The following PRKD1 variants were observed in gnomAD, a reference collection of about 807,000 sequenced individuals.
PRKD1 encodes the protein serine/threonine-protein kinase D1.
A neutral mutation model predicts 95.9 loss-of-function variants in PRKD1; 63 were observed. The ratio of observed to expected loss-of-function variants is 0.66; its 90% CI spans 0.54 to 0.81. The LOEUF is 0.81. Ranked by LOEUF, PRKD1 falls within the 30% of genes least tolerant of loss-of-function variation. The probability of loss-of-function intolerance (pLI) is 0.00; values close to 1 mark genes in which losing one functional copy is unlikely to be tolerated. For synonymous variants in PRKD1, 425 were observed against 423.1 expected, an observed-to-expected ratio of 1.00 and a Z score of -0.05; for missense variants, 1,048 against 1,165.3, an observed-to-expected ratio of 0.90 and a Z score of 1.47.
At position 29,663,748 on chromosome 14, in the gene PRKD1, C is replaced by A; in HGVS notation, c.647G>T (p.Arg216Leu). Residue 216 changes from arginine (R) to leucine (L), a missense_variant, in exon 4 of 18, where the codon CGC becomes CTC. Around this residue, in one of 3 missense-constraint regions of PRKD1, gnomAD observed 275 missense variants for 248.6 expected, o/e 1.11. Transcript: ENST00000331968. ...TGTAGAGAGTTCAGCAGATGATGTG[C>A]GGATGGTGCTGACCCCAGTGAGGGA... ...NVSLTGVSTI[R>L]TSSAELSTSA... 4.3e-6 allele frequency: 7 copies of A among 1,613,994 alleles called. No individual in the cohort carries two copies. The highest frequency in any genetic ancestry group is 3.4e-6 in the Non-Finnish European group (4 of 1,179,944).
intron 1 of PRKD1, among the ~76,000 whole-genome samples, chr14:29,794,410 TG>T (rs1334989322): frequency 1.3e-5 from 2 of 151,860 alleles, no homozygotes; most frequent in African/African-American, 4.8e-5. Flanking sequence ...TTTGAGGGGG[TG>T]GCAATTCCTT....
intron 1 of PRKD1, among the ~76,000 whole-genome samples, chr14:29,791,724 G>A (rs1316691130): frequency 3.9e-5 from 6 of 152,064 alleles, no homozygotes; most frequent in Admixed American, 6.5e-5. Context: ...ATCTGTTGAT[G>A]CACATGTCAG....
chr14:29,732,372 C>T (rs1276502053), intron 1 of PRKD1, among the ~76,000 whole-genome samples: 2 of 141,564 alleles, frequency 1.4e-5, no homozygotes, highest in Non-Finnish European at 3.2e-5. Context: ...TATCCTATTT[C>T]ACACACAATG....
chr14:29,654,164 TTTTAC>T (rs1432390310), intron 4 of PRKD1, among the ~76,000 whole-genome samples: 3 of 152,070 alleles, frequency 2.0e-5, no homozygotes, highest in Non-Finnish European at 4.4e-5. Flanking sequence ...TAATTTTTAT[TTTTAC>T]TTTATTTATT....
intron 4 of PRKD1, among the ~76,000 whole-genome samples, chr14:29,657,039 G>A (rs566614265): frequency 8.5e-5 from 13 of 152,122 alleles, no homozygotes; most frequent in Non-Finnish European, 1.8e-4. Context: ...GTCCAATAGC[G>A]GGTTAGAGTT....
In PRKD1 at chr14:29,927,476, G is replaced by A. The variant is rs1324068186; in HGVS notation, c.37C>T (p.Leu13=). 5 of 1,254,556 alleles carry A rather than the reference G, an allele frequency of 4.0e-6. No individual in the cohort carries two copies. In the Admixed American group the frequency reaches 1.8e-4, roughly 44 times the overall value. 77.7% of individuals were successfully genotyped at this position (1,254,556 alleles called of 1,614,324 possible). ...GCAGCTGCCGCCGCCACGGGCAGCA[G>A]CGGACTGGGCGGCCGCAGGACCGGA... ...APPVLRPPSP[L]LPVAAAAAAA... Residue 13 remains leucine, a synonymous_variant, in exon 1 of 18, where the codon CTG becomes TTG. Coordinates refer to ENST00000331968, the MANE Select transcript of PRKD1 (RefSeq NM_002742.3).
intron 1 of PRKD1, among the ~76,000 whole-genome samples, chr14:29,777,178 C>G (rs1009067034): frequency 2.6e-5 from 4 of 152,152 alleles, no homozygotes; most frequent in African/African-American, 9.7e-5. Context: ...TGGTACCAGC[C>G]ACTGCAAAAA....
At chr14:29,847,884 C>A (rs553955204) in intron 1 of PRKD1, among the ~76,000 whole-genome samples, 15 of 152,170 alleles carry the variant, frequency 9.9e-5, no homozygotes, top group Non-Finnish European at 2.2e-4. Flanking sequence ...CTCTCCCCCC[C>A]CACCAACCTT....
chr14:29,834,990 G>GT (rs141796741), intron 1 of PRKD1, among the ~76,000 whole-genome samples: 17 of 151,076 alleles, frequency 1.1e-4, no homozygotes, highest in South Asian at 2.1e-4. Context: ...TGAGACCTGG[G>GT]TTTTTTTTTC....
In PRKD1 at chr14:29,576,901, T is replaced by C. The variant is rs980277237; in HGVS notation, c.*337A>G. ...AAACAGAACTACTTCACAGATACAT[T>C]CTGTCTCTTACCAAAATGAAGCTCC... On this transcript the variant is annotated 3_prime_UTR_variant, in exon 18 of 18. Coordinates refer to ENST00000331968, the MANE Select transcript of PRKD1 (RefSeq NM_002742.3). 1.5e-5 allele frequency: 5 copies of C among 337,480 alleles called. No homozygotes were observed. The highest frequency in any genetic ancestry group is 1.1e-4 in the African/African-American group (5 of 47,540). 20.9% of individuals were successfully genotyped at this position (337,480 alleles called of 1,614,324 possible).
chr14:29,735,315 C>T (rs1278941725), intron 1 of PRKD1, among the ~76,000 whole-genome samples: 1 of 152,150 alleles, frequency 6.6e-6, no homozygotes, highest in African/African-American at 2.4e-5. Context: ...CCAGTTTGAG[C>T]TACACTGGGT....
chr14:29,815,436 G>A (rs1480337657), intron 1 of PRKD1, among the ~76,000 whole-genome samples: 2 of 152,100 alleles, frequency 1.3e-5, no homozygotes, highest in Admixed American at 6.5e-5. Context: ...ACAGTGAGAG[G>A]GAAAATCTAG....
At position 29,697,163 on chromosome 14, in the gene PRKD1, T is replaced by TAA. The variant is rs140063054; in HGVS notation, c.403+28371_403+28372dup. 2.2e-3 allele frequency among the ~76,000 whole-genome samples: 323 copies of TAA among 145,116 alleles called. 2 individuals are homozygous for TAA. The highest frequency in any genetic ancestry group is 9.8e-3 in the Admixed American group (143 of 14,592). ...TTTGTAACCACATGTCAAAACATAG[T>TAA]AAAAAAAAAACAAACAAACAAACAC... is the stretch of plus-strand genomic sequence containing the variant. On this transcript the variant is annotated intron_variant, in intron 2 of 17. Coordinates refer to ENST00000331968, the MANE Select transcript of PRKD1 (RefSeq NM_002742.3).
intron 1 of PRKD1, among the ~76,000 whole-genome samples, chr14:29,868,925 T>C (rs1309769209): frequency 1.3e-5 from 2 of 152,170 alleles, no homozygotes; most frequent in African/African-American, 2.4e-5. Flanking sequence ...TTTATATCTC[T>C]AGTAAAATGT....
intron 1 of PRKD1, among the ~76,000 whole-genome samples, chr14:29,843,033 C>T (rs904343381): frequency 3.3e-5 from 5 of 152,144 alleles, no homozygotes; most frequent in South Asian, 2.1e-4. Context: ...GTATTATTAA[C>T]GGAATTGTTT....
chr14:29,813,649 T>C (rs1389208681), intron 1 of PRKD1, among the ~76,000 whole-genome samples: 5 of 152,140 alleles, frequency 3.3e-5, no homozygotes, highest in East Asian at 3.8e-4. Flanking sequence ...TGGAAGAAAC[T>C]TGCTAAATAC....
At chr14:29,905,469 C>T (rs752998086) in intron 1 of PRKD1, among the ~76,000 whole-genome samples, 2 of 151,812 alleles carry the variant, frequency 1.3e-5, no homozygotes, top group Admixed American at 6.6e-5. Flanking sequence ...TTTAAATAAC[C>T]ATTTGCCAGC....
chr14:29,713,783 T>C (rs1885454120), intron 2 of PRKD1, among the ~76,000 whole-genome samples: 1 of 152,152 alleles, frequency 6.6e-6, no homozygotes, highest in Non-Finnish European at 1.5e-5. Flanking sequence ...AAGCCTTATG[T>C]CCTAGGCAAT....
chr14:29,698,529 A>G (rs558103986), intron 2 of PRKD1, among the ~76,000 whole-genome samples: 1 of 152,194 alleles, frequency 6.6e-6, no homozygotes, highest in African/African-American at 2.4e-5. Context: ...GTACATAAAA[A>G]CCTAACTTTT....
Sources: allele counts gnomAD v4.1 joint callset (sites outside exome capture counted in the v4.1 genomes callset), GRCh38; gene constraint gnomAD v4.1.1; regional missense constraint gnomAD v4.1.1; transcripts MANE v1.5; gene names NCBI Gene and HGNC (gene_info 2026-07-23, HGNC 2026-07-21).